Variants in CCDC13 observed in about 807,000 individuals in gnomAD.
CCDC13 encodes the protein coiled-coil domain containing 13.
In CCDC13, 70 loss-of-function variants were observed where a neutral mutation model predicts 87.3. That is an observed-to-expected ratio of 0.80 (90% CI 0.66 to 0.98). The LOEUF is 0.98. Among genes scored for constraint, CCDC13 ranks in the 50% least tolerant of loss-of-function variants. The pLI is 0.00. For missense variants in CCDC13, 842 were observed against 892.0 expected (o/e 0.94, Z 0.71); for synonymous variants, 317 against 360.3 (o/e 0.88, Z 1.36).
At chr3:42,727,708 T>A (rs556633199) in intron 13 of CCDC13, among the ~76,000 whole-genome samples, 2 of 152,340 alleles carry the variant, frequency 1.3e-5, no homozygotes, top group Non-Finnish European at 2.9e-5. Flanking sequence ...ATTCTAAATG[T>A]ATTCTTTTGC....
chr3:42,753,050 C>T (rs557971067), intron 3 of CCDC13, among the ~76,000 whole-genome samples: 11 of 152,368 alleles, frequency 7.2e-5, no homozygotes, highest in African/African-American at 2.6e-4. Context: ...AGTAATTTTG[C>T]TGTGCCCTCT....
chr3:42,705,276 G>C (rs1475110830), downstream of CCDC13, among the ~76,000 whole-genome samples: 1 of 152,112 alleles, frequency 6.6e-6, no homozygotes, highest in African/African-American at 2.4e-5. Context: ...CCCTGGGTGT[G>C]GGGGTGCAGA....
Position 42,743,005 on chromosome 3 carries a change from G to A in CCDC13, c.878C>T (p.Thr293Ile), listed in dbSNP as rs773427572. 1.2e-5 allele frequency: 20 copies of A among 1,614,064 alleles called. No homozygotes were observed. The highest frequency in any genetic ancestry group is 8.5e-7 in the Non-Finnish European group (1 of 1,180,024). Residue 293 changes from threonine to isoleucine, a missense_variant, in exon 8 of 16, where the codon ACA becomes ATA. Physicochemically the swap from Thr to Ile is moderately conservative, Grantham distance 89. Coordinates refer to ENST00000310232, the MANE Select transcript of CCDC13 (RefSeq NM_144719.4). The part of the protein sequence containing the change: ...LGQARSQSAG[T>I]ASDELSVYPD... ...ATAGACAGACAACTCATCACTGGCT[G>A]TTCCCGCAGACTGGCTCCGGGCCTG...
At chr3:42,727,752 G>A (rs1698722400) in intron 13 of CCDC13, among the ~76,000 whole-genome samples, 1 of 152,200 alleles carries the variant, frequency 6.6e-6, no homozygotes, top group Non-Finnish European at 1.5e-5. Flanking sequence ...ACTAACTTTA[G>A]ATTGCTGAGT....
chr3:42,705,360 T>G (rs2125863569), downstream of CCDC13, among the ~76,000 whole-genome samples: 1 of 152,216 alleles, frequency 6.6e-6, no homozygotes, highest in African/African-American at 2.4e-5. Context: ...CAATGTAGTG[T>G]GTTTAAGCCT....
At chr3:42,709,596 G>A (rs1363382799) in intron 15 of CCDC13, 88 bp downstream of exon 15, 18 of 1,054,980 alleles carry the variant, frequency 1.7e-5, no homozygotes, top group Non-Finnish European at 2.6e-5. Flanking sequence ...AGTCAAAAGT[G>A]CAAGGGGAGG....
chr3:42,739,595 A>C, intron 9 of CCDC13, 39 bp downstream of exon 9: 2 of 1,588,900 alleles, frequency 1.3e-6, no homozygotes, highest in Non-Finnish European at 1.7e-6. Flanking sequence ...TTGAGGAACC[A>C]CCCCTGGCTC....
intron 1 of CCDC13, 37 bp from the exon 2 acceptor site, chr3:42,758,388 T>A: frequency 6.3e-7 from 1 of 1,597,404 alleles, no homozygotes; most frequent in Non-Finnish European, 8.5e-7. Context: ...TGAAGCAAAC[T>A]CCACACCGAG....
chr3:42,756,950 G>T, intron 3 of CCDC13, 116 bp downstream of exon 3: 1 of 1,056,220 alleles, frequency 9.5e-7, no homozygotes, highest in Non-Finnish European at 1.4e-6. Flanking sequence ...GGACAAGCTT[G>T]ATCACAACTG....
Position 42,713,322 on chromosome 3 carries a change from G to A in CCDC13, c.1719-6C>T, listed in dbSNP as rs1698357835. 1 of 1,613,526 alleles carries A rather than the reference G, an allele frequency of 6.2e-7. No homozygotes were observed. On this transcript the variant is annotated splice_polypyrimidine_tract_variant and splice_region_variant and intron_variant, in intron 13 of 15. Coordinates refer to ENST00000310232, the MANE Select transcript of CCDC13 (RefSeq NM_144719.4). ...TGCTGTTGCTCTCCTCCACCCTGGT[G>A]ATTAGAGAGGAGGGGATGCTACATG...
rs180803875 is a variant in CCDC13, at chr3:42,738,130, G to A, written c.1164+1504C>T. On this transcript the variant is annotated intron_variant, in intron 9 of 15. Transcript: ENST00000310232. ...ATCCAGTTTCAGCTTTCTACATATG[G>A]CTAGCCAGTTTTCCCAGCACCACTT... Among the ~76,000 whole-genome samples the A allele has an allele frequency of 4.9e-3, 747 of 152,216 alleles. 7 individuals are homozygous for A. The highest frequency in any genetic ancestry group is 0.017 in the African/African-American group (719 of 41,536).
In CCDC13 at chr3:42,725,533, CAAA is replaced by C. The variant is rs56224625; in HGVS notation, c.1718+4931_1718+4933del. Among the ~76,000 whole-genome samples, 9 of 91,468 alleles carry C rather than the reference CAAA, an allele frequency of 9.8e-5. No individual in the cohort carries two copies. The East Asian group carries it at 1.3e-3, about 13-fold the overall frequency. 60.0% of individuals were successfully genotyped at this position (91,468 alleles called of 152,430 possible). A position where few individuals can be genotyped will look rare whatever the true frequency, so the allele number is the denominator to read the frequency against. On this transcript the variant is annotated intron_variant, in intron 13 of 15. Transcript: ENST00000310232. Reference sequence around the variant, plus strand: ...TGGGTGACAGAGTGAGACCCTGTCTCAAAAAAAAAAAAAAAGAGGACTAAGATA... The same window carrying C: ...TGGGTGACAGAGTGAGACCCTGTCTCAAAAAAAAAAAAGAGGACTAAGATA...
intron 13 of CCDC13, among the ~76,000 whole-genome samples, chr3:42,725,359 A>G (rs1698662863): frequency 6.6e-6 from 1 of 152,026 alleles, no homozygotes; most frequent in Non-Finnish European, 1.5e-5. Flanking sequence ...AGATGCATTT[A>G]ATGTAAGTCT....
intron 7 of CCDC13, chr3:42,745,121 G>A (rs1173530517): frequency 6.6e-6 from 1 of 152,116 alleles, no homozygotes; most frequent in African/African-American, 2.4e-5. Flanking sequence ...AGACACTGAA[G>A]ATAAAAGCCA....
rs774051805 is a variant in CCDC13, at chr3:42,739,614, C to A, written c.1164+20G>T. On this transcript the variant is annotated intron_variant, in intron 9 of 15. Coordinates refer to ENST00000310232, the MANE Select transcript of CCDC13 (RefSeq NM_144719.4). ...GGAACCACCCCTGGCTCTCGCCCTG[C>A]CTGAGTGGTGGGGCCATACCATGAG... 6.2e-7 allele frequency: 1 copy of A among 1,608,634 alleles called. No homozygotes were observed. The highest frequency in any genetic ancestry group is 1.1e-5 in the South Asian group (1 of 90,372).
chr3:42,759,096 A>T (rs1308579018), intron 1 of CCDC13, among the ~76,000 whole-genome samples: 1 of 152,194 alleles, frequency 6.6e-6, no homozygotes, highest in East Asian at 1.9e-4. Flanking sequence ...CAAGGTGAGT[A>T]GACTGCTTGA....
Position 42,735,739 on chromosome 3 carries a change from G to A in CCDC13, c.1339C>T (p.Leu447=). 6.2e-7 allele frequency: 1 copy of A among 1,614,210 alleles called. No individual in the cohort carries two copies. The highest frequency in any genetic ancestry group is 8.5e-7 in the Non-Finnish European group (1 of 1,180,038). Residue 447 remains leucine, a synonymous_variant, in exon 10 of 16, where the codon CTG becomes TTG. Transcript: ENST00000310232. ...VAEREAKVRQ[L]EMEIGQLNVH... Reference sequence around the variant, plus strand: ...TTGAGTTGTCCGATCTCCATCTCCAGCTGTCGCACTTTGGCCTCCCGCTCA... The same window carrying A: ...TTGAGTTGTCCGATCTCCATCTCCAACTGTCGCACTTTGGCCTCCCGCTCA...
intron 11 of CCDC13, 89 bp from the exon 12 acceptor site, chr3:42,733,059 C>A: frequency 9.5e-7 from 1 of 1,056,866 alleles, no homozygotes; most frequent in Admixed American, 2.6e-5. Flanking sequence ...GGAGCAGTGG[C>A]CAGCAGGGGT....
In CCDC13 at chr3:42,707,865, G is replaced by A. The variant is rs1200003520; in HGVS notation, c.*1115C>T. On this transcript the variant is annotated 3_prime_UTR_variant, in exon 16 of 16. Coordinates refer to ENST00000310232, the MANE Select transcript of CCDC13 (RefSeq NM_144719.4). ...GTGGCCAGGGTGTCGGAGTTGGGGT[G>A]TGTGGCTATGAGTGACCCTCCTTGG... Among the ~76,000 whole-genome samples the A allele has an allele frequency of 1.3e-5, 2 of 152,216 alleles. No individual in the cohort carries two copies. The highest frequency in any genetic ancestry group is 2.1e-4 in the South Asian group (1 of 4,836).
Sources: allele counts gnomAD v4.1 joint callset (sites outside exome capture counted in the v4.1 genomes callset), GRCh38; gene constraint gnomAD v4.1.1; transcripts MANE v1.5; gene names NCBI Gene and HGNC (gene_info 2026-07-23, HGNC 2026-07-21).